STAG1: variants seen among roughly 807,000 people sequenced by gnomAD.
STAG1 encodes the protein cohesin subunit SA-1.
Under a neutral mutation model 170.9 loss-of-function variants are expected in STAG1, and 26 were observed. That is an observed-to-expected ratio of 0.15 (90% confidence interval 0.11 to 0.21). STAG1 has a LOEUF of 0.21. Among genes scored for constraint, STAG1 ranks in the 10% least tolerant of loss-of-function variants. The pLI is 1.00. For missense variants in STAG1, 964 were observed against 1,509.5 expected (o/e 0.64, Z 5.99); for synonymous variants, 514 against 497.7 (o/e 1.03, Z -0.44).
chr3:136,472,580 G>A (rs2089653197), intron 11 of STAG1, 88 bp from the exon 12 acceptor site: 1 of 857,424 alleles, frequency 1.2e-6, no homozygotes, highest in East Asian at 2.5e-5. Context: ...GGATATATAT[G>A]CAATACTAAT....
At position 136,595,684 on chromosome 3, in the gene STAG1, A is replaced by C. The variant is rs796822128; in HGVS notation, c.297+8625T>G. Among the ~76,000 whole-genome samples, 686 of 24,534 alleles carry C rather than the reference A, an allele frequency of 0.028. 9 individuals carry two copies. In the East Asian group the frequency reaches 0.4, roughly 14 times the overall value. The allele number at this position is 24,534 out of a possible 152,430, so 16.1% of individuals were successfully genotyped here. On this transcript the variant is annotated intron_variant, in intron 4 of 33. Transcript: ENST00000383202. The stretch of plus-strand genomic sequence containing the variant: ...AGAGCAAGACTCCATCTCAATAAAT[A>C]AATAAATAAATAAATAAATAAATAA...
intron 1 of STAG1, among the ~76,000 whole-genome samples, chr3:136,633,202 C>G (rs1040526492): frequency 2.7e-5 from 4 of 150,912 alleles, no homozygotes; most frequent in Admixed American, 1.3e-4. Context: ...CCAGAAAGTA[C>G]CCCCACCCCG....
chr3:136,626,215 C>T (rs2107834136), intron 2 of STAG1, among the ~76,000 whole-genome samples: 1 of 152,254 alleles, frequency 6.6e-6, no homozygotes, highest in East Asian at 1.9e-4. Flanking sequence ...ATCATGAGGT[C>T]AGAAGTTCGA....
chr3:136,683,348 T>G (rs1300882910), intron 1 of STAG1, among the ~76,000 whole-genome samples: 1 of 152,016 alleles, frequency 6.6e-6, no homozygotes, highest in Non-Finnish European at 1.5e-5. Context: ...ACTGCCACCT[T>G]TTCCTCCTGG....
At chr3:136,743,041 T>A (rs1934753955) in intron 1 of STAG1, among the ~76,000 whole-genome samples, 1 of 151,906 alleles carries the variant, frequency 6.6e-6, no homozygotes, top group African/African-American at 2.4e-5. Context: ...TTTGAAAAAA[T>A]AACCGATAAA....
At chr3:136,745,814 A>T (rs1194184403) in intron 1 of STAG1, among the ~76,000 whole-genome samples, 1 of 152,186 alleles carries the variant, frequency 6.6e-6, no homozygotes, top group Non-Finnish European at 1.5e-5. Context: ...TACACTAATG[A>T]TAGCTAATAA....
chr3:136,739,618 G>A (rs898597067), intron 1 of STAG1, among the ~76,000 whole-genome samples: 6 of 151,322 alleles, frequency 4.0e-5, no homozygotes, highest in South Asian at 2.1e-4. Context: ...TCAGGAGTTC[G>A]AGACCAGCCT....
At chr3:136,391,398 G>A (rs1213242996) in intron 22 of STAG1, among the ~76,000 whole-genome samples, 2 of 128,602 alleles carry the variant, frequency 1.6e-5, no homozygotes, top group Non-Finnish European at 3.2e-5. Context: ...CTTTTTTTGA[G>A]ACAGAGTCTC....
At chr3:136,347,898 A>G (rs1193833911) in intron 29 of STAG1, among the ~76,000 whole-genome samples, 1 of 152,216 alleles carries the variant, frequency 6.6e-6, no homozygotes, top group East Asian at 1.9e-4. Flanking sequence ...AGGTTAAGTA[A>G]TATGCTCAAA....
At chr3:136,689,677 TCTGA>T (rs1359444332) in intron 1 of STAG1, among the ~76,000 whole-genome samples, 6 of 152,178 alleles carry the variant, frequency 3.9e-5, no homozygotes, top group Non-Finnish European at 7.3e-5. Flanking sequence ...ACGACAGAGA[TCTGA>T]CTGACAAGCT....
intron 1 of STAG1, among the ~76,000 whole-genome samples, chr3:136,709,214 C>T (rs1053762929): frequency 1.3e-5 from 2 of 151,672 alleles, no homozygotes; most frequent in African/African-American, 4.8e-5. Context: ...CACATGAACC[C>T]GAGAGGTGGA....
chr3:136,356,553 A>G (rs1036371126), intron 28 of STAG1, among the ~76,000 whole-genome samples: 1 of 151,480 alleles, frequency 6.6e-6, no homozygotes, highest in East Asian at 2.0e-4. Context: ...GCTAATTTTA[A>G]AATTTTTTTA....
At chr3:136,690,056 C>CAAAAAAAAAAAAAAAAAAAAAAAGAAAAA (rs1942670660) in intron 1 of STAG1, among the ~76,000 whole-genome samples, 7 of 56,404 alleles carry the variant, frequency 1.2e-4, no homozygotes, top group African/African-American at 2.3e-4. Flanking sequence ...AAAAGCAAAC[C>CAAAAAAAAAAAAAAAAAAAAAAAGAAAAA]AAAAAAAAAA....
intron 28 of STAG1, among the ~76,000 whole-genome samples, chr3:136,353,310 A>G (rs1325129579): frequency 6.6e-6 from 1 of 152,246 alleles, no homozygotes; most frequent in Non-Finnish European, 1.5e-5. Context: ...AATAATGGCT[A>G]AAAACTTGCC....
At chr3:136,728,790 T>G (rs1328133526) in intron 1 of STAG1, among the ~76,000 whole-genome samples, 1 of 152,222 alleles carries the variant, frequency 6.6e-6, no homozygotes, top group Non-Finnish European at 1.5e-5. Flanking sequence ...ATAGTTAAAA[T>G]GCCTGGTGAG....
At chr3:136,649,503 C>CAAAAAAAAAA (rs761067087) in intron 1 of STAG1, among the ~76,000 whole-genome samples, 2 of 70,870 alleles carry the variant, frequency 2.8e-5, no homozygotes, top group East Asian at 5.3e-4. Flanking sequence ...AAAACAGAAA[C>CAAAAAAAAAA]AAAAAAAAAA....
chr3:136,468,301 G>A (rs1022273505), intron 12 of STAG1, among the ~76,000 whole-genome samples: 14 of 151,778 alleles, frequency 9.2e-5, no homozygotes, highest in African/African-American at 2.2e-4. Flanking sequence ...TCAAATAGAC[G>A]CAATAAAAAA....
At chr3:136,519,703 A>G (rs1001958201) in intron 7 of STAG1, among the ~76,000 whole-genome samples, 1 of 152,072 alleles carries the variant, frequency 6.6e-6, no homozygotes, top group Non-Finnish European at 1.5e-5. Context: ...ATTAGAAAAA[A>G]AAAGTCTAAC....
In STAG1 at chr3:136,338,413, C is replaced by T; in HGVS notation, c.3710G>A (p.Arg1237Lys). ...AGCTGCAGAGTCAAAGAAGTCTGGC[C>T]TTAGCTCAGCTCTCTCTCGCCGATT... is the stretch of plus-strand genomic sequence containing the variant. ...SRNRRERAEL[R>K]PDFFDSAAII... The change falls in exon 33 of 34, where the codon AGG (arginine) becomes AAG (lysine). Residue 1237 changes from arginine to lysine, a missense_variant. Arg to Lys is a conservative substitution (Grantham distance 26). Transcript: ENST00000383202. The T allele has an allele frequency of 6.2e-7, 1 of 1,614,014 alleles. No homozygotes were observed. Among genetic ancestry groups the T allele is most frequent in the South Asian group, 1.1e-5 (1 of 91,070 alleles).
Sources: allele counts gnomAD v4.1 joint callset (sites outside exome capture counted in the v4.1 genomes callset), GRCh38; gene constraint gnomAD v4.1.1; transcripts MANE v1.5; gene names NCBI Gene and HGNC (gene_info 2026-07-23, HGNC 2026-07-21).